RAB18: variants seen among roughly 807,000 people sequenced by gnomAD.
RAB18 encodes the protein RAB18, member RAS oncogene family.
RAB18 carries 10 observed loss-of-function variants against 28.5 expected under a neutral mutation model. That is an observed-to-expected ratio of 0.35 (90% CI 0.22 to 0.60). The LOEUF is 0.60. Ranked by LOEUF, RAB18 falls within the 20% of genes least tolerant of loss-of-function variation. The pLI, the probability that RAB18 is intolerant of heterozygous loss-of-function variation, is 0.78. For synonymous variants in RAB18, 93 were observed against 86.9 expected (o/e 1.07, Z -0.39); for missense variants, 188 against 244.2 (o/e 0.77, Z 1.53).
chr10:27,507,385 G>T (rs534771887), intron 1 of RAB18, among the ~76,000 whole-genome samples: 1 of 152,088 alleles, frequency 6.6e-6, no homozygotes, highest in East Asian at 1.9e-4. Flanking sequence ...TTTCAAAAGC[G>T]AGGGGGTTGG....
At chr10:27,510,461 A>G (rs1296727839) in intron 2 of RAB18, 1 of 166,954 alleles carries the variant, frequency 6.0e-6, no homozygotes, top group Non-Finnish European at 1.3e-5. Context: ...TTTTAAGGAT[A>G]AGATTTAGAT....
intron 2 of RAB18, among the ~76,000 whole-genome samples, chr10:27,516,330 T>C (rs1589567522): frequency 6.6e-6 from 1 of 151,946 alleles, no homozygotes; most frequent in Non-Finnish European, 1.5e-5. Flanking sequence ...CCGAGGCAGG[T>C]GGATCACTGA....
rs1274404826 is a variant in RAB18, at chr10:27,541,257, C to T, written c.*3206C>T. The T allele has an allele frequency of 2.2e-6, 1 of 453,878 alleles. No individual in the cohort carries two copies. The highest frequency in any genetic ancestry group is 4.4e-6 in the Non-Finnish European group (1 of 226,776). 28.1% of individuals were successfully genotyped at this position (453,878 alleles called of 1,614,324 possible). ...ATATAGACTTCACCCTGGGTTTTGC[C>T]TAAACTGTTGAAAGACGAGAATAAA... On this transcript the variant is annotated 3_prime_UTR_variant, in exon 7 of 7. Coordinates refer to ENST00000356940, the MANE Select transcript of RAB18 (RefSeq NM_021252.5).
intron 2 of RAB18, among the ~76,000 whole-genome samples, chr10:27,519,655 C>G (rs1368164542): frequency 1.3e-5 from 2 of 152,024 alleles, no homozygotes; most frequent in Non-Finnish European, 2.9e-5. Context: ...TTACAAAATA[C>G]TTTCAGATTA....
At chr10:27,521,004 T>C (rs1288221369) in intron 2 of RAB18, among the ~76,000 whole-genome samples, 2 of 151,956 alleles carry the variant, frequency 1.3e-5, no homozygotes, top group African/African-American at 4.8e-5. Flanking sequence ...TATATTGTAT[T>C]TTTATTTGTC....
In RAB18 at chr10:27,541,672, A is replaced by G. The variant is rs1185099611; in HGVS notation, c.*3621A>G. 5 of 447,168 alleles carry G rather than the reference A, an allele frequency of 1.1e-5. No homozygotes were observed. Among genetic ancestry groups the G allele is most frequent in the African/African-American group, 6.1e-5 (3 of 49,190 alleles). The allele number at this position is 447,168 out of a possible 1,614,324, so 27.7% of individuals were successfully genotyped here. A position where few individuals can be genotyped will look rare whatever the true frequency, so the allele number is the denominator to read the frequency against. ...TTCCTCTTTTTTAACCGGAGAAGCA[A>G]CAAATTACGTAGTTTTTTTTGTGTT... is the stretch of plus-strand genomic sequence containing the variant. On this transcript the variant is annotated 3_prime_UTR_variant, in exon 7 of 7. Coordinates refer to ENST00000356940, the MANE Select transcript of RAB18 (RefSeq NM_021252.5).
intron 2 of RAB18, among the ~76,000 whole-genome samples, chr10:27,520,443 A>G (rs1394277999): frequency 2.6e-5 from 4 of 151,938 alleles, no homozygotes; most frequent in Non-Finnish European, 5.9e-5. Context: ...AGAAAAAACA[A>G]CTTTGGTTAT....
At chr10:27,532,618 T>C (rs754849223) in intron 4 of RAB18, 39 bp downstream of exon 4, 1 of 1,457,838 alleles carries the variant, frequency 6.9e-7, no homozygotes, top group East Asian at 2.3e-5. Context: ...AAAATATTTA[T>C]TGGAGTTTCT....
chr10:27,541,646 T>C lies in RAB18; in HGVS notation c.*3595T>C, dbSNP rs1835035393. The C allele has an allele frequency of 2.2e-6, 1 of 452,074 alleles. No individual in the cohort carries two copies. The highest frequency in any genetic ancestry group is 6.9e-5 in the East Asian group (1 of 14,394). 28.0% of individuals were successfully genotyped at this position (452,074 alleles called of 1,614,324 possible). A position where few individuals can be genotyped will look rare whatever the true frequency, so the allele number is the denominator to read the frequency against. On this transcript the variant is annotated 3_prime_UTR_variant, in exon 7 of 7. Coordinates refer to ENST00000356940, the MANE Select transcript of RAB18 (RefSeq NM_021252.5). Reference sequence around the variant, plus strand: ...CAGGTTATTTCTTGCTTTTTTTTTTTTTCCTCTTTTTTAACCGGAGAAGCA... The same window carrying C: ...CAGGTTATTTCTTGCTTTTTTTTTTCTTCCTCTTTTTTAACCGGAGAAGCA...
intron 1 of RAB18, chr10:27,505,135 T>TC (rs1564825310): frequency 1.9e-6 from 1 of 533,010 alleles, no homozygotes. Flanking sequence ...TGTTGTGCTT[T>TC]CATTTTTTAC....
At chr10:27,508,143 A>C (rs556955513) in intron 1 of RAB18, among the ~76,000 whole-genome samples, 1 of 152,284 alleles carries the variant, frequency 6.6e-6, no homozygotes, top group South Asian at 2.1e-4. Context: ...CTCTCTGCCT[A>C]GAAAAATGCA....
At chr10:27,508,541 T>G (rs1192999846) in intron 1 of RAB18, among the ~76,000 whole-genome samples, 1 of 152,124 alleles carries the variant, frequency 6.6e-6, no homozygotes, top group African/African-American at 2.4e-5. Flanking sequence ...AGAAGAAAAA[T>G]TTTATAGGTA....
chr10:27,505,213 T>C, intron 1 of RAB18: 1 of 509,292 alleles, frequency 2.0e-6, no homozygotes, highest in Non-Finnish European at 4.0e-6. Flanking sequence ...TCTAGGTGGA[T>C]GTTGCTAGAG....
chr10:27,537,809 C>T, intron 6 of RAB18, 67 bp from the exon 7 acceptor site: 2 of 1,414,910 alleles, frequency 1.4e-6, no homozygotes, highest in Non-Finnish European at 2.0e-6. Context: ...TGATAGTTTC[C>T]CAGAAAAACA....
intron 3 of RAB18, among the ~76,000 whole-genome samples, chr10:27,529,208 A>G (rs879318173): frequency 1.5e-4 from 23 of 151,848 alleles, no homozygotes; most frequent in African/African-American, 4.6e-4. Context: ...TTACCTTCCA[A>G]TATTGTTAAG....
rs371577624 is a variant in RAB18 at position 27,533,912 on chromosome 10, T to A, written c.379-16T>A. 1 of 1,609,692 alleles carries A rather than the reference T, an allele frequency of 6.2e-7. No homozygotes were observed. ...TATTTTGGTAGCCTTTCTTAATCAT[T>A]GCATTTATATTTTAGGAAAATCGTG... is the stretch of plus-strand genomic sequence containing the variant. On this transcript the variant is annotated splice_polypyrimidine_tract_variant and intron_variant, in intron 5 of 6. Coordinates refer to ENST00000356940, the MANE Select transcript of RAB18 (RefSeq NM_021252.5).
rs557921136 is a variant in RAB18 at position 27,522,072 on chromosome 10, A to G, written c.125-4756A>G. The stretch of plus-strand genomic sequence containing the variant: ...TCTAAATAAAATGTAATTTGTGGGG[A>G]AAAAAAAGACGTTTTGGAATTCAGT... On this transcript the variant is annotated intron_variant, in intron 2 of 6. Coordinates refer to ENST00000356940, the MANE Select transcript of RAB18 (RefSeq NM_021252.5). Among the ~76,000 whole-genome samples the G allele has an allele frequency of 1.9e-3, 292 of 151,746 alleles. 1 individual carries two copies. The highest frequency in any genetic ancestry group is 0.014 in the Admixed American group (216 of 15,094).
In RAB18 at chr10:27,540,754, A is replaced by G; in HGVS notation, c.*2703A>G. ...AAATCTGGGGTGATGTTTTCATTTC[A>G]TGTATTTGATTGCCATCCATAAACT... On this transcript the variant is annotated 3_prime_UTR_variant, in exon 7 of 7. Transcript: ENST00000356940. The G allele has an allele frequency of 2.2e-6, 1 of 454,098 alleles. No individual in the cohort carries two copies. Among genetic ancestry groups the G allele is most frequent in the South Asian group, 1.6e-5 (1 of 64,476 alleles). The allele number at this position is 454,098 out of a possible 1,614,324, so 28.1% of individuals were successfully genotyped here. A position where few individuals can be genotyped will look rare whatever the true frequency, so the allele number is the denominator to read the frequency against.
At chr10:27,519,177 C>G (rs903388430) in intron 2 of RAB18, among the ~76,000 whole-genome samples, 1 of 151,782 alleles carries the variant, frequency 6.6e-6, no homozygotes, top group African/African-American at 2.4e-5. Flanking sequence ...TACTTCACTA[C>G]TTTAAACTAA....
Sources: gnomAD v4.1 joint callset for allele counts (sites outside exome capture counted in the v4.1 genomes callset) on GRCh38, gnomAD v4.1.1 for gene constraint, MANE v1.5 for transcripts, NCBI Gene and HGNC (gene_info 2026-07-23, HGNC 2026-07-21) for gene names.